The following PCDH10 variants were observed in gnomAD, a reference collection of about 807,000 sequenced individuals.
The protein encoded by PCDH10 is protocadherin-10.
Under a neutral mutation model 74.4 loss-of-function variants are expected in PCDH10, and 15 were observed. The observed-to-expected ratio is 0.20, with a 90% CI of 0.13 to 0.31. PCDH10 has a LOEUF of 0.31. PCDH10 is among the 10% of genes least tolerant of loss of function. The pLI, the probability that PCDH10 is intolerant of heterozygous loss-of-function variation, is 1.00. For synonymous variants in PCDH10, 619 were observed against 589.8 expected (o/e 1.05, Z -0.72); for missense variants, 1,260 against 1,390.2 (o/e 0.91, Z 1.49).
rs1726832904 is a variant in PCDH10 at position 133,154,926 on chromosome 4, C to T, written c.2700C>T (p.Phe900=). Residue 900 remains phenylalanine, a synonymous_variant, in exon 3 of 5, where the codon TTC becomes TTT. Coordinates refer to ENST00000264360, the MANE Select transcript of PCDH10 (RefSeq NM_032961.3). ...ATTTTTGTACTTCTAGTTCTGCATT[C>T]CAGGAAGCCGACATAGTAAGCTCTA... ...DRPRRVNSSA[F]QEADIVSSKD... is the part of the protein sequence containing the mutation. The T allele has an allele frequency of 1.2e-6, 2 of 1,608,582 alleles. No individual in the cohort carries two copies. The highest frequency in any genetic ancestry group is 1.7e-5 in the Admixed American group (1 of 59,924).
At chr4:133,206,273 C>T (rs1728002833) in intron 2 of PCDH10, among the ~76,000 whole-genome samples, 1 of 152,216 alleles carries the variant, frequency 6.6e-6, no homozygotes, top group African/African-American at 2.4e-5. Flanking sequence ...ATGACGATTG[C>T]ACATTAAACT....
chr4:133,161,438 T>C (rs921692212), intron 3 of PCDH10, among the ~76,000 whole-genome samples: 39 of 152,078 alleles, frequency 2.6e-4, no homozygotes, highest in African/African-American at 9.4e-4. Flanking sequence ...AGAGTGTTCA[T>C]AATTTTGAAA....
At chr4:133,159,991 A>T (rs555699983) in intron 3 of PCDH10, among the ~76,000 whole-genome samples, 1 of 152,144 alleles carries the variant, frequency 6.6e-6, no homozygotes, top group East Asian at 1.9e-4. Context: ...GATAAAAGAT[A>T]AAATGTTAGT....
At chr4:133,175,344 CT>C in intron 4 of PCDH10, among the ~76,000 whole-genome samples, 1 of 151,974 alleles carries the variant, frequency 6.6e-6, no homozygotes, top group East Asian at 1.9e-4. Context: ...TCTTCCCAAG[CT>C]ACTGACAAGA....
At chr4:133,198,004 T>TGTGTGTGTGTGTGTGTGA (rs774649175), downstream of PCDH10, among the ~76,000 whole-genome samples, 2 of 147,800 alleles carry the variant, frequency 1.4e-5, no homozygotes, top group African/African-American at 5.1e-5. Flanking sequence ...TGTGTGTGTG[T>TGTGTGTGTGTGTGTGTGA]GTGATTGGGA....
At chr4:133,185,553 G>A (rs1318592053) in intron 4 of PCDH10, among the ~76,000 whole-genome samples, 1 of 152,154 alleles carries the variant, frequency 6.6e-6, no homozygotes, top group Non-Finnish European at 1.5e-5. Flanking sequence ...AGAGCGGAGA[G>A]CAGATATTTC....
At chr4:133,198,587 G>A (rs75887669), downstream of PCDH10, among the ~76,000 whole-genome samples, 1 of 152,266 alleles carries the variant, frequency 6.6e-6, no homozygotes, top group African/African-American at 2.4e-5. Flanking sequence ...GACAGTGTTT[G>A]CAAATATTAC....
chr4:133,152,639 C>T lies in PCDH10; in HGVS notation c.2499C>T (p.Asp833=). Residue 833 remains aspartate, a synonymous_variant, in exon 1 of 5, where the codon GAC becomes GAT. Transcript: ENST00000264360. ...TGACCCCTGAGTCCGCCAAGACCGA[C>T]CTGATGTTTCTTAAGCCCTGCAGCC... ...VCLTPESAKT[D]LMFLKPCSPS... 1 of 1,614,216 alleles carries T rather than the reference C, an allele frequency of 6.2e-7. No homozygotes were observed. The highest frequency in any genetic ancestry group is 1.6e-4 in the Middle Eastern group (1 of 6,062).
At chr4:133,201,877 A>AAAC (rs1450257250) in intron 2 of PCDH10, among the ~76,000 whole-genome samples, 6 of 149,530 alleles carry the variant, frequency 4.0e-5, no homozygotes, top group Non-Finnish European at 5.9e-5. Flanking sequence ...AAAAAAAAAA[A>AAAC]GGAATTGTGC....
chr4:133,175,073 A>T (rs1050705458), intron 4 of PCDH10, among the ~76,000 whole-genome samples: 1 of 151,936 alleles, frequency 6.6e-6, no homozygotes, highest in Admixed American at 6.6e-5. Flanking sequence ...TATATATCCA[A>T]TATAGAGAAA....
chr4:133,186,617 C>G (rs1216888077), intron 4 of PCDH10, among the ~76,000 whole-genome samples: 1 of 152,210 alleles, frequency 6.6e-6, no homozygotes, highest in Admixed American at 6.6e-5. Context: ...CTGGTACTGG[C>G]TCTAAAATGT....
chr4:133,161,733 C>A (rs992342898), intron 3 of PCDH10, among the ~76,000 whole-genome samples: 3 of 151,146 alleles, frequency 2.0e-5, no homozygotes, highest in Non-Finnish European at 4.4e-5. Flanking sequence ...ATTATTTTTT[C>A]TTTTTTTAAA....
rs1726683550 is a variant in PCDH10, at chr4:133,151,321, A to C, written c.1181A>C (p.Gln394Pro). The C allele has an allele frequency of 6.2e-7, 1 of 1,614,164 alleles. No homozygotes were observed. The change falls in exon 1 of 5, where the codon CAG becomes CCG. Residue 394 changes from glutamine (Q) to proline (P), a missense_variant. This residue lies in a region of PCDH10 where 112 missense variants were observed against 123.6 expected (regional missense o/e 0.91). Coordinates refer to ENST00000264360, the MANE Select transcript of PCDH10 (RefSeq NM_032961.3). ...DRDSEENGQV[Q>P]CELLGDVPFR... ...GACTCAGAGGAGAATGGGCAGGTGC[A>C]GTGCGAGCTACTGGGAGACGTGCCT...
chr4:133,199,715 T>G (rs1393683780), intron 2 of PCDH10, among the ~76,000 whole-genome samples: 1 of 150,764 alleles, frequency 6.6e-6, no homozygotes, highest in Non-Finnish European at 1.5e-5. Context: ...GCTGCCCATG[T>G]GGGGCCTGAA....
In PCDH10 at chr4:133,149,347, G is replaced by A. The variant is rs1215976811; in HGVS notation, c.-794G>A. The A allele has an allele frequency of 6.6e-6, 1 of 152,490 alleles. No homozygotes were observed. Among genetic ancestry groups the A allele is most frequent in the Non-Finnish European group, 1.5e-5 (1 of 68,220 alleles). 9.4% of individuals were successfully genotyped at this position (152,490 alleles called of 1,614,324 possible). A position where few individuals can be genotyped will look rare whatever the true frequency, so the allele number is the denominator to read the frequency against. On this transcript the variant is annotated 5_prime_UTR_variant, in exon 1 of 5. Transcript: ENST00000264360. ...AGAGGCTGAAGCAGGAGGAAGGAAG[G>A]ACTGGAAGGAAAAAGAGACAGGTTA...
chr4:133,169,225 T>C (rs1421237083), intron 4 of PCDH10, among the ~76,000 whole-genome samples: 3 of 151,818 alleles, frequency 2.0e-5, no homozygotes, highest in Admixed American at 2.0e-4. Context: ...AATAGTTTTA[T>C]ATTTTCCTCT....
Position 133,152,307 on chromosome 4 carries a change from G to A in PCDH10, c.2167G>A (p.Gly723Ser). 1.2e-6 allele frequency: 2 copies of A among 1,614,164 alleles called. No individual in the cohort carries two copies. Among genetic ancestry groups the A allele is most frequent in the Non-Finnish European group, 1.7e-6 (2 of 1,180,034 alleles). Residue 723 changes from glycine to serine, a missense_variant, in exon 1 of 5, where the codon GGC (glycine) becomes AGC (serine). This residue lies in a region of PCDH10 where 587 missense variants were observed against 616.9 expected (regional missense o/e 0.95). Transcript: ENST00000264360. ...CACCCTCATCCTCATCATCGCGTTG[G>A]GCTCGGTGTCCTTCATCTTCCTGCT... is the stretch of plus-strand genomic sequence containing the variant. ...DLTLILIIALGSVSFIFLLAM... is the reference protein window; with the variant it reads ...DLTLILIIALSSVSFIFLLAM...
chr4:133,163,940 A>C (rs1727027609), intron 4 of PCDH10: 2 of 447,562 alleles, frequency 4.5e-6, no homozygotes, highest in Middle Eastern at 3.3e-4. Flanking sequence ...CGTGAAAAGC[A>C]AAGATTGAAT....
At chr4:133,194,854 C>T (rs72942296), downstream of PCDH10, among the ~76,000 whole-genome samples, 20,254 of 151,860 alleles carry the variant, frequency 0.13, 1,781 homozygotes, top group African/African-American at 0.25. Context: ...GTATATGATT[C>T]TCATGATACC....
Sources: gnomAD v4.1 joint callset for allele counts (sites outside exome capture counted in the v4.1 genomes callset) on GRCh38, gnomAD v4.1.1 for gene constraint, gnomAD v4.1.1 regional missense constraint, MANE v1.5 for transcripts, NCBI Gene and HGNC (gene_info 2026-07-23, HGNC 2026-07-21) for gene names.